GSTO2: variants seen among roughly 807,000 people sequenced by gnomAD.
GSTO2 encodes glutathione S-transferase omega 2, also known as glutathione S-transferase omega-2.
GSTO2 carries 23 observed loss-of-function variants against 28.4 expected under a neutral mutation model. The ratio of observed to expected loss-of-function variants is 0.81; its 90% CI spans 0.58 to 1.15. GSTO2 has a LOEUF of 1.15. Among genes scored for constraint, GSTO2 ranks in the 50% most tolerant of loss-of-function variants. GSTO2 has a pLI of 0.00. For synonymous variants in GSTO2, 109 were observed against 111.0 expected (o/e 0.98, Z 0.11); for missense variants, 298 against 297.8 (o/e 1.00, Z 0.00).
At chr10:104,269,357 C>G (rs1047602677) in intron 1 of GSTO2, 88 bp downstream of exon 1, 2 of 152,262 alleles carry the variant, frequency 1.3e-5, no homozygotes, top group African/African-American at 4.8e-5. Context: ...ATTTCGGGGC[C>G]CACAGTAGGC....
At position 104,281,405 on chromosome 10, in the gene GSTO2, G is replaced by GA. The variant is rs559244996; in HGVS notation, c.468+1944dup. ...ATACTGGACCAGGGAAAGGAGCTGG[G>GA]AAAAAAAAAACTCTTTGAATTCAAC... On this transcript the variant is annotated intron_variant, in intron 5 of 6. Transcript: ENST00000338595. 6.9e-4 allele frequency among the ~76,000 whole-genome samples: 102 copies of GA among 147,982 alleles called. 1 individual carries two copies. The South Asian group carries it at 0.012, about 18-fold the overall frequency.
chr10:104,293,182 T>C (rs2012856840), intron 5 of GSTO2, among the ~76,000 whole-genome samples: 1 of 152,170 alleles, frequency 6.6e-6, no homozygotes, highest in African/African-American at 2.4e-5. Context: ...AAGGTGAGAC[T>C]AAGGAGGAAA....
chr10:104,286,074 A>G (rs866413879), intron 5 of GSTO2: 1 of 191,816 alleles, frequency 5.2e-6, no homozygotes, highest in Non-Finnish European at 1.1e-5. Context: ...CATTATTACT[A>G]GCTATTTTTA....
intron 5 of GSTO2, chr10:104,295,954 C>T (rs1267977451): frequency 6.6e-6 from 1 of 152,108 alleles, no homozygotes; most frequent in Non-Finnish European, 1.5e-5. Flanking sequence ...TCACCTGGGC[C>T]CAGCAATCAA....
At position 104,304,355 on chromosome 10, in the gene GSTO2, T is replaced by A. The variant is rs1191006785; in HGVS notation, c.*5071T>A. On this transcript the variant is annotated 3_prime_UTR_variant, in exon 7 of 7. Transcript: ENST00000338595. ...TATTCTTCCTCAGAGCAGCCCTCTG[T>A]TTTTTTTTCCAACCAGTCTTTTCTC... The A allele has an allele frequency of 7.0e-6, 1 of 142,050 alleles. No homozygotes were observed. The highest frequency in any genetic ancestry group is 2.8e-5 in the African/African-American group (1 of 35,332). The allele number at this position is 142,050 out of a possible 1,614,324, so 8.8% of individuals were successfully genotyped here.
intron 1 of GSTO2, 98 bp downstream of exon 1, chr10:104,269,367 C>T (rs985509294): frequency 6.6e-6 from 1 of 152,408 alleles, no homozygotes; most frequent in Non-Finnish European, 1.5e-5. Context: ...CCACAGTAGG[C>T]TTGCCAACTT....
intron 1 of GSTO2, among the ~76,000 whole-genome samples, chr10:104,272,683 G>T (rs1190515630): frequency 7.7e-6 from 1 of 130,490 alleles, no homozygotes; most frequent in African/African-American, 2.9e-5. Flanking sequence ...GCGCAGTCTC[G>T]GCTCACAGCA....
At chr10:104,289,315 C>T (rs900466178) in intron 5 of GSTO2, among the ~76,000 whole-genome samples, 2 of 152,136 alleles carry the variant, frequency 1.3e-5, no homozygotes, top group African/African-American at 4.8e-5. Context: ...AGACTGGTCT[C>T]GAACTTCTGG....
At chr10:104,287,258 G>C (rs567343983) in intron 5 of GSTO2, among the ~76,000 whole-genome samples, 50 of 152,310 alleles carry the variant, frequency 3.3e-4, no homozygotes, top group African/African-American at 1.2e-3. Context: ...GTCTCCCTCT[G>C]TTGCCCAGGC....
intron 5 of GSTO2, chr10:104,291,630 T>A (rs2012772282): frequency 6.6e-6 from 1 of 152,328 alleles, no homozygotes; most frequent in Non-Finnish European, 1.5e-5. Flanking sequence ...TTCTCCTTCG[T>A]CCCTCTGGGG....
At chr10:104,282,363 G>A (rs780263849) in intron 5 of GSTO2, among the ~76,000 whole-genome samples, 43 of 151,934 alleles carry the variant, frequency 2.8e-4, no homozygotes, top group Non-Finnish European at 5.6e-4. Flanking sequence ...GAACACCCTG[G>A]TCAACATGGC....
chr10:104,275,177 G>A (rs1564842757), intron 2 of GSTO2, 49 bp from the exon 3 acceptor site: 2 of 1,561,736 alleles, frequency 1.3e-6, no homozygotes, highest in East Asian at 2.3e-5. Flanking sequence ...TTCCTCACCG[G>A]GCTGACTAGC....
chr10:104,291,603 A>G (rs1040271440), intron 5 of GSTO2: 4 of 152,368 alleles, frequency 2.6e-5, no homozygotes, highest in African/African-American at 9.6e-5. Context: ...TCCAGGGCGC[A>G]CTTCAAAACG....
intron 5 of GSTO2, among the ~76,000 whole-genome samples, chr10:104,292,116 T>A (rs2012800932): frequency 6.6e-6 from 1 of 152,028 alleles, no homozygotes; most frequent in Admixed American, 6.6e-5. Context: ...TATTTTGCTT[T>A]GCTTGTTCAT....
At chr10:104,295,589 G>A (rs1032424039) in intron 5 of GSTO2, 7 of 152,156 alleles carry the variant, frequency 4.6e-5, no homozygotes, top group Admixed American at 1.3e-4. Flanking sequence ...CATAACCTCC[G>A]TGGTGCGTGC....
intron 5 of GSTO2, among the ~76,000 whole-genome samples, chr10:104,287,619 G>T (rs2012513222): frequency 1.3e-5 from 2 of 151,996 alleles, no homozygotes; most frequent in African/African-American, 4.8e-5. Context: ...TTTAGCAGAA[G>T]AAAACAAAAC....
intron 5 of GSTO2, among the ~76,000 whole-genome samples, chr10:104,293,618 T>C (rs1241269977): frequency 6.9e-6 from 1 of 145,920 alleles, no homozygotes; most frequent in South Asian, 2.2e-4. Flanking sequence ...TGCAGTGGCA[T>C]GTTCACAGCT....
intron 5 of GSTO2, among the ~76,000 whole-genome samples, chr10:104,294,271 G>A (rs1187073024): frequency 6.6e-6 from 1 of 152,126 alleles, no homozygotes; most frequent in Non-Finnish European, 1.5e-5. Context: ...GAAATAAATG[G>A]TGAAATGAGG....
At chr10:104,290,074 C>T (rs1429531633) in intron 5 of GSTO2, among the ~76,000 whole-genome samples, 5 of 152,222 alleles carry the variant, frequency 3.3e-5, no homozygotes, top group Non-Finnish European at 5.9e-5. Flanking sequence ...AGCAATCCCA[C>T]TGCTGGGTAC....
Sources: allele counts gnomAD v4.1 joint callset (sites outside exome capture counted in the v4.1 genomes callset), GRCh38; gene constraint gnomAD v4.1.1; transcripts MANE v1.5; gene names NCBI Gene and HGNC (gene_info 2026-07-23, HGNC 2026-07-21).